Variants in CDKAL1 observed in about 807,000 individuals in gnomAD.
The protein encoded by CDKAL1 is threonylcarbamoyladenosine tRNA methylthiotransferase.
Under a neutral mutation model 68.2 loss-of-function variants are expected in CDKAL1, and 32 were observed. The observed-to-expected ratio is 0.47, with a 90% confidence interval of 0.35 to 0.63. The LOEUF is 0.63. CDKAL1 is among the 30% of genes least tolerant of loss of function. The pLI, the probability that CDKAL1 is intolerant of heterozygous loss-of-function variation, is 0.00. For synonymous variants in CDKAL1, 234 were observed against 244.3 expected, an observed-to-expected ratio of 0.96 and a Z score of 0.39; for missense variants, 606 against 696.7, an observed-to-expected ratio of 0.87 and a Z score of 1.47.
intron 5 of CDKAL1, among the ~76,000 whole-genome samples, chr6:20,697,373 A>C (rs1336375659): frequency 1.1e-4 from 16 of 152,298 alleles, no homozygotes; most frequent in Non-Finnish European, 5.9e-5. Context: ...ATCTCCTACT[A>C]GTTAAGATTT....
rs563093487 is a variant in CDKAL1, at chr6:20,570,646, C to T, written c.286+21941C>T. ...AAATTCCTGACCTCAGGTGATTCAA[C>T]TGCCTTGGCTTCCCAAAGTGCTGGG... is the stretch of plus-strand genomic sequence containing the variant. On this transcript the variant is annotated intron_variant, in intron 4 of 15. Coordinates refer to ENST00000274695, the MANE Select transcript of CDKAL1 (RefSeq NM_017774.3). 2.0e-5 allele frequency among the ~76,000 whole-genome samples: 3 copies of T among 152,304 alleles called. No individual in the cohort carries two copies. In the East Asian group the frequency reaches 5.8e-4, roughly 29 times the overall value.
At chr6:20,722,403 C>T in intron 5 of CDKAL1, 1 of 236,008 alleles carries the variant, frequency 4.2e-6, no homozygotes, top group Non-Finnish European at 8.5e-6. Context: ...TAATAGGCAG[C>T]ATTCTCTTAG....
At chr6:20,873,334 T>G (rs1347452791) in intron 9 of CDKAL1, among the ~76,000 whole-genome samples, 1 of 152,286 alleles carries the variant, frequency 6.6e-6, no homozygotes, top group East Asian at 1.9e-4. Context: ...TCTCTAAGAC[T>G]AGGGCAGGAC....
intron 4 of CDKAL1, among the ~76,000 whole-genome samples, chr6:20,566,080 A>C (rs1561929787): frequency 3.9e-5 from 6 of 152,124 alleles, no homozygotes; most frequent in Admixed American, 3.3e-4. Context: ...CCAACCCCAT[A>C]CATACCCTGG....
At chr6:21,020,920 A>T (rs889616587) in intron 11 of CDKAL1, among the ~76,000 whole-genome samples, 1 of 151,954 alleles carries the variant, frequency 6.6e-6, no homozygotes, top group Non-Finnish European at 1.5e-5. Context: ...TACCTGACAC[A>T]GGTACTATTA....
At chr6:20,873,183 C>T (rs1036222842) in intron 9 of CDKAL1, among the ~76,000 whole-genome samples, 38 of 151,978 alleles carry the variant, frequency 2.5e-4, no homozygotes, top group African/African-American at 8.7e-4. Flanking sequence ...ATGAATAAGA[C>T]GATGTTTAAG....
chr6:20,969,502 T>C (rs1765487072), intron 10 of CDKAL1, among the ~76,000 whole-genome samples: 1 of 152,154 alleles, frequency 6.6e-6, no homozygotes, highest in African/African-American at 2.4e-5. Context: ...TATGTATAAG[T>C]GAATGCACAC....
intron 12 of CDKAL1, among the ~76,000 whole-genome samples, chr6:21,066,884 C>T (rs140148382): frequency 1.6e-3 from 251 of 152,256 alleles, no homozygotes; most frequent in Non-Finnish European, 2.9e-3. Flanking sequence ...TGTTGGTCTC[C>T]GAAAGTGCCA....
chr6:21,201,398 A>T, intron 15 of CDKAL1, 124 bp downstream of exon 15: 1 of 743,396 alleles, frequency 1.3e-6, no homozygotes, highest in Non-Finnish European at 2.0e-6. Context: ...TGAGGCTTTA[A>T]TCCTTTCTGA....
chr6:20,754,409 T>G (rs1322992520), intron 6 of CDKAL1, among the ~76,000 whole-genome samples: 1 of 152,194 alleles, frequency 6.6e-6, no homozygotes, highest in Non-Finnish European at 1.5e-5. Flanking sequence ...TGATGTGGAG[T>G]ACATTTACAT....
intron 8 of CDKAL1, among the ~76,000 whole-genome samples, chr6:20,812,317 A>G (rs1464304906): frequency 1.3e-5 from 2 of 152,170 alleles, no homozygotes; most frequent in African/African-American, 4.8e-5. Context: ...TTCTTTAGAA[A>G]AGCATTTCTA....
chr6:20,666,451 AC>A (rs370526373), intron 5 of CDKAL1, among the ~76,000 whole-genome samples: 2 of 137,136 alleles, frequency 1.5e-5, no homozygotes, highest in East Asian at 3.9e-4. Flanking sequence ...GTGTTTTATG[AC>A]CCTCTCCTAC....
At chr6:20,548,845 A>G (rs1200660323) in intron 4 of CDKAL1, 140 bp downstream of exon 4, 3 of 524,186 alleles carry the variant, frequency 5.7e-6, no homozygotes, top group Admixed American at 3.7e-5. Context: ...CATTTTGTAG[A>G]TAACCATGGA....
intron 11 of CDKAL1, among the ~76,000 whole-genome samples, chr6:21,005,973 G>C (rs990947892): frequency 2.6e-5 from 4 of 152,090 alleles, no homozygotes; most frequent in African/African-American, 7.2e-5. Context: ...TTCAATGGAA[G>C]GGGCACAAGG....
chr6:21,228,943 C>G (rs1382555554), intron 15 of CDKAL1, among the ~76,000 whole-genome samples: 1 of 152,166 alleles, frequency 6.6e-6, no homozygotes, highest in African/African-American at 2.4e-5. Context: ...TCTTCGTGCA[C>G]CACTGAGCTC....
intron 9 of CDKAL1, among the ~76,000 whole-genome samples, chr6:20,867,983 A>G (rs568827517): frequency 6.6e-6 from 1 of 152,172 alleles, no homozygotes; most frequent in South Asian, 2.1e-4. Context: ...GGGGGCATGA[A>G]TAGGTATTAA....
intron 8 of CDKAL1, among the ~76,000 whole-genome samples, chr6:20,816,473 C>T (rs941098189): frequency 6.6e-5 from 10 of 152,286 alleles, no homozygotes; most frequent in African/African-American, 2.2e-4. Context: ...AGATTTCCAT[C>T]ATGACCTGAC....
At chr6:20,987,142 TC>T (rs1322563579) in intron 10 of CDKAL1, among the ~76,000 whole-genome samples, 1 of 152,224 alleles carries the variant, frequency 6.6e-6, no homozygotes, top group Non-Finnish European at 1.5e-5. Context: ...GGGTTATTGT[TC>T]TGTGGAAATC....
At chr6:20,922,855 C>T (rs1763019609) in intron 9 of CDKAL1, among the ~76,000 whole-genome samples, 2 of 152,158 alleles carry the variant, frequency 1.3e-5, no homozygotes, top group South Asian at 4.1e-4. Flanking sequence ...ATAATTTAAA[C>T]TGCATCTGTA....
Sources: allele counts gnomAD v4.1 joint callset (sites outside exome capture counted in the v4.1 genomes callset), GRCh38; gene constraint gnomAD v4.1.1; transcripts MANE v1.5; gene names NCBI Gene and HGNC (gene_info 2026-07-23, HGNC 2026-07-21).